The following NBAS variants were observed in gnomAD, a reference collection of about 807,000 sequenced individuals.
The protein encoded by NBAS is NAG/BC035112 fusion.
A neutral mutation model predicts 302.5 loss-of-function variants in NBAS; 219 were observed. The ratio of observed to expected loss-of-function variants is 0.72; its 90% confidence interval spans 0.65 to 0.81. The LOEUF (loss-of-function observed/expected upper bound fraction) is 0.81. Ranked by LOEUF, NBAS falls within the 30% of genes least tolerant of loss-of-function variation. The pLI, the probability that NBAS is intolerant of heterozygous loss-of-function variation, is 0.00. For missense variants in NBAS, 2,932 were observed against 2,841.6 expected, an observed-to-expected ratio of 1.03 and a Z score of -0.72; for synonymous variants, 1,118 against 1,021.6, an observed-to-expected ratio of 1.09 and a Z score of -1.80.
the NBAS span, among the ~76,000 whole-genome samples, chr2:15,156,308 G>A: frequency 5.9e-5 from 9 of 152,312 alleles, no homozygotes; most frequent in Admixed American, 2.0e-4. Context: ...TTCCTATAGG[G>A]CAGGGGGATA....
At chr2:15,444,105 TCC>T (rs1451426878) in intron 21 of NBAS, among the ~76,000 whole-genome samples, 1 of 151,604 alleles carries the variant, frequency 6.6e-6, no homozygotes, top group Non-Finnish European at 1.5e-5. Context: ...TTCAATGCCA[TCC>T]CCATCAAGCT....
At chr2:14,846,858 C>A in the NBAS span, among the ~76,000 whole-genome samples, 1 of 151,076 alleles carries the variant, frequency 6.6e-6, no homozygotes, top group South Asian at 2.1e-4. Context: ...AATCATACCA[C>A]CAGAAAAAAT....
the NBAS span, among the ~76,000 whole-genome samples, chr2:15,026,651 A>T: frequency 3.2e-4 from 48 of 151,988 alleles, no homozygotes; most frequent in African/African-American, 1.1e-3. Flanking sequence ...GTGCTTCTGG[A>T]TTCATTTTGT....
chr2:15,549,498 G>C (rs1415496812), intron 6 of NBAS, among the ~76,000 whole-genome samples: 1 of 152,098 alleles, frequency 6.6e-6, no homozygotes, highest in Non-Finnish European at 1.5e-5. Flanking sequence ...GGAGGCCAAG[G>C]CGGGAGGATC....
chr2:15,522,245 G>A (rs1405858533), intron 9 of NBAS, among the ~76,000 whole-genome samples: 1 of 152,174 alleles, frequency 6.6e-6, no homozygotes, highest in Non-Finnish European at 1.5e-5. Flanking sequence ...GAAGTAATGA[G>A]GGTCTGAAGT....
chr2:15,365,938 T>C lies in NBAS; in HGVS notation c.3817+642A>G, dbSNP rs561401000. Among the ~76,000 whole-genome samples, 262 of 152,104 alleles carry C rather than the reference T, an allele frequency of 1.7e-3. 2 individuals carry two copies. Among genetic ancestry groups the C allele is most frequent in the Admixed American group, 9.4e-3 (143 of 15,282 alleles). On this transcript the variant is annotated intron_variant, in intron 32 of 51. Transcript: ENST00000281513. Reference sequence around the variant, plus strand: ...AGGATGTAGTTAAGGAAATATGAAATGTAGAGTCAAAAAGACTTTCCTTAA... The same window carrying C: ...AGGATGTAGTTAAGGAAATATGAAACGTAGAGTCAAAAAGACTTTCCTTAA...
chr2:14,787,145 C>T, the NBAS span, among the ~76,000 whole-genome samples: 1 of 151,970 alleles, frequency 6.6e-6, no homozygotes, highest in Non-Finnish European at 1.5e-5. Flanking sequence ...GATTGCAACC[C>T]CTGCTTTTTT....
chr2:15,475,707 C>T lies in NBAS; in HGVS notation c.1321G>A (p.Gly441Arg), dbSNP rs754898967. The change falls in exon 14 of 52, where the codon GGG becomes AGG. Residue 441 changes from glycine to arginine, a missense_variant. By Grantham distance (125) the Gly-to-Arg change is moderately radical. Transcript: ENST00000281513. ...CTTACCTCCAAACTTAAAAATCCCC[C>T]ATCATGGGTAGCAGTGACTTGAGGT... ...PSPQVTATHD[G>R]GFLSLECEIK... The T allele has an allele frequency of 2.5e-6, 4 of 1,613,934 alleles. No individual in the cohort carries two copies. In the East Asian group the frequency reaches 8.9e-5, roughly 36 times the overall value.
the NBAS span, among the ~76,000 whole-genome samples, chr2:14,822,055 C>T: frequency 6.6e-6 from 1 of 151,080 alleles, no homozygotes; most frequent in Admixed American, 6.6e-5. Context: ...AAAAATGTAA[C>T]ATCCAAAATG....
chr2:15,292,945 T>C (rs1670377757), intron 40 of NBAS, among the ~76,000 whole-genome samples, 179 bp from the exon 41 acceptor site: 1 of 152,172 alleles, frequency 6.6e-6, no homozygotes, highest in South Asian at 2.1e-4. Flanking sequence ...TTTACCCAGT[T>C]AGCAGACCAC....
chr2:14,882,140 G>C, the NBAS span, among the ~76,000 whole-genome samples: 34 of 152,108 alleles, frequency 2.2e-4, no homozygotes, highest in African/African-American at 8.2e-4. Context: ...TGGCTACAAT[G>C]CTCAACACAG....
At chr2:15,002,805 G>A in the NBAS span, among the ~76,000 whole-genome samples, 5 of 152,316 alleles carry the variant, frequency 3.3e-5, no homozygotes, top group South Asian at 2.1e-4. Flanking sequence ...GCCCAGGGCC[G>A]GCAGGGCGGG....
chr2:15,340,937 G>C (rs1429536946), intron 35 of NBAS, among the ~76,000 whole-genome samples: 1 of 152,138 alleles, frequency 6.6e-6, no homozygotes, highest in Non-Finnish European at 1.5e-5. Context: ...GGTGACGAAA[G>C]AAGGCCCCAT....
chr2:14,969,352 T>C, the NBAS span, among the ~76,000 whole-genome samples: 1 of 152,170 alleles, frequency 6.6e-6, no homozygotes, highest in South Asian at 2.1e-4. Flanking sequence ...CTGTACAGTA[T>C]GAAAATAATA....
chr2:14,783,318 T>A, the NBAS span, among the ~76,000 whole-genome samples: 2,026 of 151,616 alleles, frequency 0.013, 42 homozygotes, highest in African/African-American at 0.043. Flanking sequence ...AATTCTTTTT[T>A]TTATTATTAT....
the NBAS span, among the ~76,000 whole-genome samples, chr2:14,930,580 T>C: frequency 0.013 from 2,036 of 152,352 alleles, 25 homozygotes; most frequent in Middle Eastern, 0.024. Context: ...TACACCCTCC[T>C]GAGTCTCACC....
the NBAS span, among the ~76,000 whole-genome samples, chr2:14,875,294 G>C: frequency 9.2e-5 from 14 of 152,228 alleles, no homozygotes; most frequent in Non-Finnish European, 1.8e-4. Flanking sequence ...AATGAGACTA[G>C]CAAGATTGCA....
chr2:15,184,693 G>C (rs1328896980), intron 50 of NBAS, among the ~76,000 whole-genome samples: 1 of 152,150 alleles, frequency 6.6e-6, no homozygotes, highest in Non-Finnish European at 1.5e-5. Flanking sequence ...TCTGGTACCT[G>C]ACAGGCCATG....
chr2:15,313,005 T>C (rs371962192), intron 38 of NBAS, among the ~76,000 whole-genome samples: 2 of 152,200 alleles, frequency 1.3e-5, no homozygotes, highest in East Asian at 3.9e-4. Context: ...AAAATAGCAG[T>C]TTCATATTAA....
Sources: allele counts gnomAD v4.1 joint callset (sites outside exome capture counted in the v4.1 genomes callset), GRCh38; gene constraint gnomAD v4.1.1; transcripts MANE v1.5; gene names NCBI Gene and HGNC (gene_info 2026-07-23, HGNC 2026-07-21).